Variants in RNF180 observed in about 807,000 individuals in gnomAD.
The protein encoded by RNF180 is ring finger protein 180, also known as E3 ubiquitin-protein ligase RNF180.
In RNF180, 38 loss-of-function variants were observed where a neutral mutation model predicts 59.2. The observed-to-expected ratio is 0.64, with a 90% CI of 0.50 to 0.84. The LOEUF is 0.84. Ranked by LOEUF, RNF180 falls within the 40% of genes least tolerant of loss-of-function variation. The pLI, the probability that RNF180 is intolerant of heterozygous loss-of-function variation, is 0.00. For missense variants in RNF180, 705 were observed against 700.9 expected, an observed-to-expected ratio of 1.01 and a Z score of -0.07; for synonymous variants, 262 against 240.3, an observed-to-expected ratio of 1.09 and a Z score of -0.84.
chr5:64,221,314 C>A (rs1244922229), intron 5 of RNF180, among the ~76,000 whole-genome samples: 1 of 151,964 alleles, frequency 6.6e-6, no homozygotes. Flanking sequence ...ATACACATTT[C>A]TTATGGTTTT....
intron 7 of RNF180, among the ~76,000 whole-genome samples, chr5:64,330,985 C>T (rs573915970): frequency 7.2e-4 from 110 of 152,352 alleles, no homozygotes; most frequent in African/African-American, 2.5e-3. Flanking sequence ...ACTCCTGCTG[C>T]CTGGCCTCTC....
intron 5 of RNF180, among the ~76,000 whole-genome samples, chr5:64,234,364 G>A (rs561053186): frequency 3.3e-5 from 5 of 151,908 alleles, no homozygotes; most frequent in African/African-American, 7.2e-5. Context: ...TACTCAGGAC[G>A]TTGAGGCAGG....
chr5:64,353,827 A>C (rs1253144052), intron 7 of RNF180, among the ~76,000 whole-genome samples: 1 of 151,892 alleles, frequency 6.6e-6, no homozygotes, highest in East Asian at 1.9e-4. Flanking sequence ...AAAACTGAAA[A>C]ATTCACTAAT....
intron 5 of RNF180, among the ~76,000 whole-genome samples, chr5:64,224,062 GGTGTGT>G (rs10694125): frequency 0.014 from 1,965 of 141,452 alleles, 26 homozygotes; most frequent in African/African-American, 0.036. Flanking sequence ...TCTAGGTTGG[GGTGTGT>G]GTGTGTGTGT....
intron 7 of RNF180, among the ~76,000 whole-genome samples, chr5:64,360,619 T>C (rs375579559): frequency 6.6e-6 from 1 of 151,774 alleles, no homozygotes; most frequent in Non-Finnish European, 1.5e-5. Flanking sequence ...AGAATTCTAT[T>C]TTTATGCAAA....
At chr5:64,318,731 G>A (rs566667823) in intron 5 of RNF180, among the ~76,000 whole-genome samples, 60 of 152,126 alleles carry the variant, frequency 3.9e-4, no homozygotes, top group Non-Finnish European at 7.1e-4. Context: ...TCATACTGCT[G>A]GAACACAGCA....
intron 1 of RNF180, among the ~76,000 whole-genome samples, chr5:64,179,029 G>A (rs1037426839): frequency 6.6e-6 from 1 of 152,094 alleles, no homozygotes; most frequent in African/African-American, 2.4e-5. Context: ...CCCAGGTGTT[G>A]TTGCTGCTCC....
chr5:64,316,408 A>C (rs192409530), intron 5 of RNF180, among the ~76,000 whole-genome samples: 1 of 152,344 alleles, frequency 6.6e-6, no homozygotes, highest in Non-Finnish European at 1.5e-5. Flanking sequence ...TACTGCAGAA[A>C]GTGAGATGTC....
In RNF180 at chr5:64,225,824, C is replaced by T. The variant is rs540376405; in HGVS notation, c.1227+8428C>T. On this transcript the variant is annotated intron_variant, in intron 5 of 7. Transcript: ENST00000389100. ...GAGGTGAGGAGTGCCTCTGCCCGGCCGCCCCGTCTGGGATGAAGCGAGCGC... is the reference window on the plus strand; with the variant it reads ...GAGGTGAGGAGTGCCTCTGCCCGGCTGCCCCGTCTGGGATGAAGCGAGCGC... Among the ~76,000 whole-genome samples, 1,226 of 140,010 alleles carry T rather than the reference C, an allele frequency of 8.8e-3. 11 individuals carry two copies. Among genetic ancestry groups the T allele is most frequent in the Non-Finnish European group, 0.013 (868 of 64,356 alleles). 91.9% of individuals were successfully genotyped at this position (140,010 alleles called of 152,430 possible).
At chr5:64,365,175 T>A (rs1185465827) in intron 7 of RNF180, among the ~76,000 whole-genome samples, 1 of 151,508 alleles carries the variant, frequency 6.6e-6, no homozygotes, top group Non-Finnish European at 1.5e-5. Flanking sequence ...AACTTTTTGA[T>A]GTGGGTGTTT....
At chr5:64,269,105 G>A (rs575478307) in intron 5 of RNF180, among the ~76,000 whole-genome samples, 6 of 152,104 alleles carry the variant, frequency 3.9e-5, no homozygotes, top group African/African-American at 1.4e-4. Context: ...TTCCTTTGAG[G>A]AATGATTTCA....
In RNF180 at chr5:64,294,495, A is replaced by T. The variant is rs1326324276; in HGVS notation, c.1228-30691A>T. 2.0e-5 allele frequency among the ~76,000 whole-genome samples: 3 copies of T among 152,356 alleles called. No homozygotes were observed. In the East Asian group the frequency reaches 5.8e-4, roughly 29 times the overall value. On this transcript the variant is annotated intron_variant, in intron 5 of 7. Transcript: ENST00000389100. Reference sequence around the variant, plus strand: ...AACTTTAATGTAATTTTAAAGTTATAGCAACCATGTATTACTTTTTTTGTA... The same window carrying T: ...AACTTTAATGTAATTTTAAAGTTATTGCAACCATGTATTACTTTTTTTGTA...
chr5:64,332,071 C>G (rs1050698716), intron 7 of RNF180, among the ~76,000 whole-genome samples: 1 of 152,152 alleles, frequency 6.6e-6, no homozygotes, highest in African/African-American at 2.4e-5. Context: ...ACCACACACC[C>G]CTTGCCATTC....
chr5:64,247,833 C>G (rs554928924), intron 5 of RNF180, among the ~76,000 whole-genome samples: 31 of 152,110 alleles, frequency 2.0e-4, no homozygotes, highest in African/African-American at 7.5e-4. Context: ...AAAGCTGGAA[C>G]TATCACGCTA....
In RNF180 at chr5:64,369,888, G is replaced by T; in HGVS notation, c.*74G>T. 5 of 853,172 alleles carry T rather than the reference G, an allele frequency of 5.9e-6. No homozygotes were observed. In the South Asian group the frequency reaches 8.1e-5, roughly 14 times the overall value. The allele number at this position is 853,172 out of a possible 1,614,324, so 52.9% of individuals were successfully genotyped here. On this transcript the variant is annotated 3_prime_UTR_variant, in exon 8 of 8. Transcript: ENST00000389100. ...CAATTGCTTAAACATTTTTAAATGT[G>T]CTTTGAAGTTTTTTTAATGTTGCAT...
intron 5 of RNF180, among the ~76,000 whole-genome samples, chr5:64,300,932 C>T (rs1481880047): frequency 6.6e-6 from 1 of 151,654 alleles, no homozygotes; most frequent in Non-Finnish European, 1.5e-5. Context: ...GCTTTCATTC[C>T]TCATTGGTAT....
chr5:64,190,747 G>A (rs1310340870), intron 1 of RNF180, among the ~76,000 whole-genome samples: 1 of 152,178 alleles, frequency 6.6e-6, no homozygotes, highest in Non-Finnish European at 1.5e-5. Context: ...AAGTACACAT[G>A]CACAGAGGAA....
chr5:64,250,031 A>T (rs1459028059), intron 5 of RNF180, among the ~76,000 whole-genome samples: 1 of 152,204 alleles, frequency 6.6e-6, no homozygotes, highest in Non-Finnish European at 1.5e-5. Flanking sequence ...TCAACTGCAC[A>T]TGGAACATTC....
intron 6 of RNF180, among the ~76,000 whole-genome samples, chr5:64,326,186 A>G (rs1192496814): frequency 6.6e-6 from 1 of 152,116 alleles, no homozygotes; most frequent in Non-Finnish European, 1.5e-5. Context: ...TCAAGGAAAT[A>G]CAAGGACCCA....
Sources: allele counts gnomAD v4.1 joint callset (sites outside exome capture counted in the v4.1 genomes callset), GRCh38; gene constraint gnomAD v4.1.1; transcripts MANE v1.5; gene names NCBI Gene and HGNC (gene_info 2026-07-23, HGNC 2026-07-21).